Variants in JADE3 observed in about 807,000 individuals in gnomAD.
The protein encoded by JADE3 is protein Jade-3.
Under a neutral mutation model 50.1 loss-of-function variants are expected in JADE3, and 2 were observed. The observed-to-expected ratio is 0.04, with a 90% CI of 0.02 to 0.13. The LOEUF (loss-of-function observed/expected upper bound fraction) is 0.13, where lower values mean the gene tolerates loss of function less well. JADE3 is among the 10% of genes least tolerant of loss of function. JADE3 has a pLI of 1.00. For synonymous variants in JADE3, 218 were observed against 232.9 expected (o/e 0.94, Z 0.58); for missense variants, 475 against 634.4 (o/e 0.75, Z 2.70).
At chrX:47,019,033 A>C (rs1928737823) in intron 4 of JADE3, among the ~76,000 whole-genome samples, 1 of 111,873 alleles carries the variant, frequency 8.9e-6, no homozygotes, top group Non-Finnish European at 1.9e-5. Flanking sequence ...GGAGTCAGGC[A>C]CAGGGCTCCA....
At chrX:46,931,391 G>A (rs1926485380) in intron 1 of JADE3, among the ~76,000 whole-genome samples, 2 of 111,164 alleles carry the variant, frequency 1.8e-5, no homozygotes, top group Admixed American at 1.9e-4. Flanking sequence ...TTAACTGTAC[G>A]TTAAAAAGGG....
At chrX:47,017,504 A>G (rs781912922) in intron 4 of JADE3, among the ~76,000 whole-genome samples, 4 of 112,036 alleles carry the variant, frequency 3.6e-5, no homozygotes, top group Admixed American at 9.5e-5. Context: ...ATAATACACA[A>G]TGATTAATGA....
At chrX:47,036,282 G>C (rs1929131116) in intron 7 of JADE3, among the ~76,000 whole-genome samples, 1 of 110,980 alleles carries the variant, frequency 9.0e-6, no homozygotes, top group African/African-American at 3.3e-5. Flanking sequence ...CTCCCATTTT[G>C]TAGGTTGCCT....
At chrX:47,039,677 A>T (rs1421548392) in intron 8 of JADE3, among the ~76,000 whole-genome samples, 1 of 111,298 alleles carries the variant, frequency 9.0e-6, no homozygotes, top group Non-Finnish European at 1.9e-5. Context: ...TCTGTTTCTG[A>T]ATTAATTTGC....
chrX:47,038,285 G>A (rs782152157), intron 7 of JADE3, among the ~76,000 whole-genome samples: 3 of 111,207 alleles, frequency 2.7e-5, no homozygotes, highest in South Asian at 3.8e-4. Context: ...TTGATATACC[G>A]TTTTCCTTTC....
chrX:46,964,159 A>G (rs1395302157), intron 1 of JADE3, among the ~76,000 whole-genome samples: 1 of 112,135 alleles, frequency 8.9e-6, no homozygotes, highest in Non-Finnish European at 1.9e-5. Context: ...ATCACATTTT[A>G]AATCAGTCAT....
At chrX:46,956,674 G>A (rs1410267628) in intron 1 of JADE3, among the ~76,000 whole-genome samples, 1 of 110,130 alleles carries the variant, frequency 9.1e-6, no homozygotes, top group Non-Finnish European at 1.9e-5. Flanking sequence ...CTGCAGGTGT[G>A]CATCACTATG....
chrX:46,933,485 A>C lies in JADE3; in HGVS notation c.-12+20766A>C, dbSNP rs782482218. On this transcript the variant is annotated intron_variant, in intron 1 of 10. Coordinates refer to ENST00000614628, the MANE Select transcript of JADE3 (RefSeq NM_014735.5). Reference sequence around the variant, plus strand: ...ACATGGTTCACTAATTCTGGTATTTATAAGTATTCTGAGTCAGCTTGACAA... The same window carrying C: ...ACATGGTTCACTAATTCTGGTATTTCTAAGTATTCTGAGTCAGCTTGACAA... Among the ~76,000 whole-genome samples, 3 of 112,481 alleles carry C rather than the reference A, an allele frequency of 2.7e-5. 1 individual carries two copies. The South Asian group carries it at 1.1e-3, about 41-fold the overall frequency.
chrX:47,059,259 A>C lies in JADE3; in HGVS notation c.*182A>C. The C allele has an allele frequency of 2.4e-6, 1 of 416,039 alleles. No homozygotes were observed. Among genetic ancestry groups the C allele is most frequent in the South Asian group, 5.0e-5 (1 of 19,978 alleles). 34.3% of individuals were successfully genotyped at this position (416,039 alleles called of 1,213,427 possible). On this transcript the variant is annotated 3_prime_UTR_variant, in exon 11 of 11. Coordinates refer to ENST00000614628, the MANE Select transcript of JADE3 (RefSeq NM_014735.5). ...CAAGTCTAGTTTTTACAAGCACATT[A>C]CAGTAATTGCAGGTTGTCCAGAGGT...
intron 7 of JADE3, among the ~76,000 whole-genome samples, chrX:47,038,670 AAAG>A (rs1196499794): frequency 9.5e-6 from 1 of 104,847 alleles, no homozygotes. Context: ...AAAAAAAAAA[AAAG>A]AAGAAAGAAA....
chrX:46,968,242 AT>A (rs1556349418), intron 1 of JADE3, among the ~76,000 whole-genome samples: 1 of 112,141 alleles, frequency 8.9e-6, no homozygotes, highest in Non-Finnish European at 1.9e-5. Flanking sequence ...TTAATAGTTA[AT>A]TTTTAAATTT....
intron 1 of JADE3, among the ~76,000 whole-genome samples, chrX:46,948,973 A>T (rs1926943024): frequency 9.0e-6 from 1 of 111,195 alleles, no homozygotes; most frequent in Admixed American, 9.6e-5. Flanking sequence ...GGTCTTTGTC[A>T]CCCAGACTGG....
In JADE3 at chrX:46,917,855, C is replaced by CTCTCAT. The variant is rs1569533772; in HGVS notation, c.-12+5136_-12+5137insTCTCAT. On this transcript the variant is annotated intron_variant, in intron 1 of 10. Transcript: ENST00000614628. ...TCATCCTCTCTCTCTCTCTCTCTCT[C>CTCTCAT]ATCCTCTCTCTCTCTCTCTCTCTCT... Among the ~76,000 whole-genome samples, 2 of 25,716 alleles carry CTCTCAT rather than the reference C, an allele frequency of 7.8e-5. 1 individual carries two copies. Among genetic ancestry groups the CTCTCAT allele is most frequent in the Non-Finnish European group, 2.0e-4 (2 of 9,866 alleles). The allele number at this position is 25,716 out of a possible 115,157, so 22.3% of individuals were successfully genotyped here. A position where few individuals can be genotyped will look rare whatever the true frequency, so the allele number is the denominator to read the frequency against.
rs1929672336 is a variant in JADE3 at position 47,058,245 on chromosome X, A to G, written c.1640A>G (p.Lys547Arg). 8.3e-7 allele frequency: 1 copy of G among 1,210,613 alleles called. No individual in the cohort carries two copies. The change falls in exon 11 of 11, where the codon AAA becomes AGA. Residue 547 changes from lysine (K) to arginine (R), a missense_variant. Lys to Arg is a conservative substitution (Grantham distance 26). Around this residue, in one of 6 missense-constraint regions of JADE3, gnomAD observed 243 missense variants for 238.2 expected, o/e 1.02. Transcript: ENST00000614628. ...ATTACCTTGAAGTTAAAAATGCCCA[A>G]ATCAACCCCAGAAGACCACAGAAAC... is the stretch of plus-strand genomic sequence containing the variant. ...PRITLKLKMP[K>R]STPEDHRNSS...
At chrX:46,948,264 A>G (rs1602380494) in intron 1 of JADE3, among the ~76,000 whole-genome samples, 1 of 112,244 alleles carries the variant, frequency 8.9e-6, no homozygotes, top group African/African-American at 3.2e-5. Flanking sequence ...CAGATTCCCT[A>G]TATAGGAAGG....
chrX:46,957,983 G>C (rs782119023), intron 1 of JADE3, among the ~76,000 whole-genome samples: 2 of 112,097 alleles, frequency 1.8e-5, no homozygotes, highest in Non-Finnish European at 3.8e-5. Flanking sequence ...GATATTTTCA[G>C]TTTTATAGGA....
At chrX:47,045,359 A>G (rs1556370460) in intron 8 of JADE3, among the ~76,000 whole-genome samples, 2 of 112,795 alleles carry the variant, frequency 1.8e-5, no homozygotes, top group Non-Finnish European at 3.8e-5. Flanking sequence ...AAGATAGAAC[A>G]GTTGTAAATA....
chrX:46,972,533 G>T (rs1182653103), intron 1 of JADE3, among the ~76,000 whole-genome samples: 1 of 111,400 alleles, frequency 9.0e-6, no homozygotes, highest in Non-Finnish European at 1.9e-5. Context: ...CTACATTCAG[G>T]CATTCAAGTC....
intron 8 of JADE3, among the ~76,000 whole-genome samples, chrX:47,045,799 G>A (rs1384445524): frequency 9.1e-6 from 1 of 109,624 alleles, no homozygotes; most frequent in Non-Finnish European, 1.9e-5. Context: ...CGACCAGTAG[G>A]TCAATGAAGG....
Sources: gnomAD v4.1 joint callset for allele counts (sites outside exome capture counted in the v4.1 genomes callset) on GRCh38, gnomAD v4.1.1 for gene constraint, gnomAD v4.1.1 regional missense constraint, MANE v1.5 for transcripts, NCBI Gene and HGNC (gene_info 2026-07-23, HGNC 2026-07-21) for gene names.